Variants in GBP6 observed in about 807,000 individuals in gnomAD.
GBP6 encodes guanylate binding protein family member 6.
Under a neutral mutation model 61.5 loss-of-function variants are expected in GBP6, and 54 were observed. The ratio of observed to expected loss-of-function variants is 0.88; its 90% confidence interval spans 0.71 to 1.10. GBP6 has a LOEUF of 1.10. Among genes scored for constraint, GBP6 ranks in the 50% least tolerant of loss-of-function variants. The probability of loss-of-function intolerance (pLI) is 0.00; values close to 1 mark genes in which losing one functional copy is unlikely to be tolerated. For synonymous variants in GBP6, 255 were observed against 273.7 expected (o/e 0.93, Z 0.67); for missense variants, 748 against 752.8 (o/e 0.99, Z 0.07).
chr1:89,380,588 A>G lies in GBP6; in HGVS notation c.828A>G (p.Ala276=), dbSNP rs1652948843. 1.9e-6 allele frequency: 3 copies of G among 1,614,158 alleles called. No homozygotes were observed. The South Asian group carries it at 3.3e-5, about 18-fold the overall frequency. The change falls in exon 6 of 11, where the codon GCA becomes GCG. Residue 276 remains alanine, a synonymous_variant. Coordinates refer to ENST00000370456, the MANE Select transcript of GBP6 (RefSeq NM_198460.3). ...TCTGTTCTTACATCTTCACTCATGCAAGAACCAAGACCCTCAGGGAGGGAA... is the reference window on the plus strand; with the variant it reads ...TCTGTTCTTACATCTTCACTCATGCGAGAACCAAGACCCTCAGGGAGGGAA... ...NIFCSYIFTH[A]RTKTLREGIT...
At position 89,385,305 on chromosome 1, in the gene GBP6, C is replaced by T. The variant is rs150334552; in HGVS notation, c.1738C>T (p.Arg580Cys). The change falls in exon 11 of 11, where the codon CGT (arginine) becomes TGT (cysteine). Residue 580 changes from arginine to cysteine, a missense_variant. Physicochemically the swap from Arg to Cys is radical, Grantham distance 180 (BLOSUM62 -3). Transcript: ENST00000370456. ...GAATGCAGAGATAAGTCAATTTAAA[C>T]GTATGATTGATACTACAAAAAATGA... Reference protein sequence around the residue: ...EMNAEISQFKRMIDTTKNDDT... With the variant: ...EMNAEISQFKCMIDTTKNDDT... 2.8e-5 allele frequency: 45 copies of T among 1,613,754 alleles called. No homozygotes were observed. The highest frequency in any genetic ancestry group is 2.3e-4 in the Admixed American group (14 of 59,982).
At position 89,384,175 on chromosome 1, in the gene GBP6, G is replaced by C; in HGVS notation, c.1551G>C (p.Glu517Asp). The C allele has an allele frequency of 6.2e-7, 1 of 1,614,068 alleles. No homozygotes were observed. Among genetic ancestry groups the C allele is most frequent in the Non-Finnish European group, 8.5e-7 (1 of 1,179,926 alleles). ...TACAGGAGCAGCAGCAACAGATGGAGGCTCAAGATAAGAGTCGCAAGGAAA... is the reference window on the plus strand; with the variant it reads ...TACAGGAGCAGCAGCAACAGATGGACGCTCAAGATAAGAGTCGCAAGGAAA... The part of the protein sequence containing the change: ...QKLQEQQQQM[E>D]AQDKSRKENI... Residue 517 changes from glutamate to aspartate, a missense_variant, in exon 10 of 11, where the codon GAG becomes GAC. By Grantham distance (45) the Glu-to-Asp change is conservative. Coordinates refer to ENST00000370456, the MANE Select transcript of GBP6 (RefSeq NM_198460.3).
intron 3 of GBP6, among the ~76,000 whole-genome samples, chr1:89,372,794 A>G (rs1652683604): frequency 1.3e-5 from 2 of 152,230 alleles, no homozygotes; most frequent in Non-Finnish European, 2.9e-5. Context: ...CAATGGCAAC[A>G]AAAGCCAAAA....
In GBP6 at chr1:89,383,633, C is replaced by T; in HGVS notation, c.1366-19C>T. The T allele has an allele frequency of 6.5e-7, 1 of 1,529,676 alleles. No individual in the cohort carries two copies. Among genetic ancestry groups the T allele is most frequent in the East Asian group, 2.3e-5 (1 of 44,414 alleles). 94.8% of individuals were successfully genotyped at this position (1,529,676 alleles called of 1,614,324 possible). On this transcript the variant is annotated intron_variant, in intron 8 of 10. Transcript: ENST00000370456. ...ATAGATTTTCAAAGAAATCTAAGTG[C>T]TTTTTCTTCCTTCCATAGGCAAAAG...
At chr1:89,374,963 T>TA (rs1445794947) in intron 3 of GBP6, among the ~76,000 whole-genome samples, 1 of 152,094 alleles carries the variant, frequency 6.6e-6, no homozygotes, top group Non-Finnish European at 1.5e-5. Context: ...GTTGTTCCCC[T>TA]CTATATGTCC....
chr1:89,385,118 A>T, intron 10 of GBP6, 112 bp from the exon 11 acceptor site: 1 of 954,216 alleles, frequency 1.0e-6, no homozygotes, highest in East Asian at 2.6e-5. Flanking sequence ...AATAACTGAG[A>T]AAATGTTTTT....
chr1:89,373,321 A>G (rs1380647610), intron 3 of GBP6, among the ~76,000 whole-genome samples: 1 of 152,220 alleles, frequency 6.6e-6, no homozygotes, highest in African/African-American at 2.4e-5. Flanking sequence ...CTGGGTATAT[A>G]CCCAAAGGAT....
intron 10 of GBP6, among the ~76,000 whole-genome samples, chr1:89,384,495 G>T (rs1487715762): frequency 6.6e-6 from 1 of 152,166 alleles, no homozygotes; most frequent in Non-Finnish European, 1.5e-5. Context: ...ATTCTGGAGA[G>T]GTAAGGTTGA....
At chr1:89,381,010 G>A (rs1255162801) in intron 6 of GBP6, among the ~76,000 whole-genome samples, 1 of 151,858 alleles carries the variant, frequency 6.6e-6, no homozygotes, top group Non-Finnish European at 1.5e-5. Context: ...GAAGGCTGAG[G>A]GTGGTGGTTC....
At chr1:89,377,882 TGAGGAAA>T (rs1368078887) in intron 3 of GBP6, among the ~76,000 whole-genome samples, 1 of 152,188 alleles carries the variant, frequency 6.6e-6, no homozygotes, top group Non-Finnish European at 1.5e-5. Flanking sequence ...TTCATCCAAC[TGAGGAAA>T]AGAAAAACCC....
At chr1:89,374,484 T>C (rs1177628826) in intron 3 of GBP6, among the ~76,000 whole-genome samples, 1 of 152,174 alleles carries the variant, frequency 6.6e-6, no homozygotes, top group Non-Finnish European at 1.5e-5. Context: ...TAGTTCTATT[T>C]TTAATTTTTT....
At position 89,384,108 on chromosome 1, in the gene GBP6, A is replaced by G; in HGVS notation, c.1484A>G (p.Lys495Arg). ...CATGGAGCAGTGGATCGGGCCAAGA[A>G]GGAGGCAGCTGAGAAGGAACAGGAA... ...EKAVAVDRAK[K>R]EAAEKEQELL... is the part of the protein sequence containing the mutation. The change falls in exon 10 of 11, where the codon AAG (lysine) becomes AGG (arginine). Residue 495 changes from lysine to arginine, a missense_variant. Physicochemically the swap from Lys to Arg is conservative, Grantham distance 26. Transcript: ENST00000370456. 6.2e-7 allele frequency: 1 copy of G among 1,612,374 alleles called. No homozygotes were observed. Among genetic ancestry groups the G allele is most frequent in the South Asian group, 1.1e-5 (1 of 90,718 alleles).
chr1:89,382,676 A>G lies in GBP6; in HGVS notation c.1165A>G (p.Asn389Asp). 1 of 1,613,962 alleles carries G rather than the reference A, an allele frequency of 6.2e-7. No individual in the cohort carries two copies. Among genetic ancestry groups the G allele is most frequent in the Non-Finnish European group, 8.5e-7 (1 of 1,179,854 alleles). The change falls in exon 8 of 11, where the codon AAT (asparagine) becomes GAT (aspartate). Residue 389 changes from asparagine to aspartate, a missense_variant. Transcript: ENST00000370456. ...FQKKFMETTM[N>D]KKGDFLLQNE... ...ATTTCCCTTGCAGGAAACCACAATG[A>G]ATAAGAAGGGGGATTTCTTGCTGCA...
rs1043571543 is a variant in GBP6 at position 89,382,656 on chromosome 1, C to T, written c.1153-8C>T. ...TTCTGGTGACATCTCTCTACATTTC[C>T]CTTGCAGGAAACCACAATGAATAAG... is the stretch of plus-strand genomic sequence containing the variant. On this transcript the variant is annotated splice_region_variant and splice_polypyrimidine_tract_variant and intron_variant, in intron 7 of 10. Coordinates refer to ENST00000370456, the MANE Select transcript of GBP6 (RefSeq NM_198460.3). The T allele has an allele frequency of 6.2e-7, 1 of 1,611,632 alleles. No individual in the cohort carries two copies. The highest frequency in any genetic ancestry group is 8.5e-7 in the Non-Finnish European group (1 of 1,177,848).
chr1:89,377,859 A>T (rs1383759404), intron 3 of GBP6, among the ~76,000 whole-genome samples: 1 of 152,210 alleles, frequency 6.6e-6, no homozygotes. Context: ...GTTTTTCCAT[A>T]TATGCATCTT....
intron 1 of GBP6, among the ~76,000 whole-genome samples, chr1:89,365,610 T>A (rs1557535215): frequency 6.6e-6 from 1 of 152,270 alleles, no homozygotes. Flanking sequence ...AAATATATAA[T>A]CTAATGGACC....
At chr1:89,364,551 T>C (rs945569243) in intron 1 of GBP6, among the ~76,000 whole-genome samples, 7 of 151,320 alleles carry the variant, frequency 4.6e-5, no homozygotes, top group African/African-American at 1.7e-4. Context: ...AATCTCTATG[T>C]AGAAATAAAC....
chr1:89,376,895 G>A (rs185469050), intron 3 of GBP6, among the ~76,000 whole-genome samples: 403 of 152,068 alleles, frequency 2.7e-3, no homozygotes, highest in Admixed American at 4.0e-3. Flanking sequence ...CTTTAAAGTC[G>A]TCTATCAAAC....
chr1:89,377,234 A>G (rs548909908), intron 3 of GBP6, among the ~76,000 whole-genome samples: 4 of 152,274 alleles, frequency 2.6e-5, no homozygotes, highest in South Asian at 4.1e-4. Context: ...CAGGTACTGG[A>G]GCTCCCTATT....
Sources: gnomAD v4.1 joint callset for allele counts (sites outside exome capture counted in the v4.1 genomes callset) on GRCh38, gnomAD v4.1.1 for gene constraint, MANE v1.5 for transcripts, NCBI Gene and HGNC (gene_info 2026-07-23, HGNC 2026-07-21) for gene names.